CEMIP2: variants seen among roughly 807,000 people sequenced by gnomAD.
CEMIP2 encodes cell migration inducing hyaluronidase 2.
In CEMIP2, 79 loss-of-function variants were observed where a neutral mutation model predicts 146.9. That is an observed-to-expected ratio of 0.54 (90% CI 0.45 to 0.65). CEMIP2 has a LOEUF of 0.65. CEMIP2 is among the 30% of genes least tolerant of loss of function. The pLI is 0.00. For synonymous variants in CEMIP2, 601 were observed against 606.3 expected, an observed-to-expected ratio of 0.99 and a Z score of 0.13; for missense variants, 1,596 against 1,696.2, an observed-to-expected ratio of 0.94 and a Z score of 1.04.
At chr9:71,726,680 A>C (rs1056211506) in intron 10 of CEMIP2, among the ~76,000 whole-genome samples, 1 of 152,204 alleles carries the variant, frequency 6.6e-6, no homozygotes, top group Non-Finnish European at 1.5e-5. Flanking sequence ...TGGAAAACAT[A>C]TATTTATACC....
In CEMIP2 at chr9:71,730,070, G is replaced by A; in HGVS notation, c.1957C>T (p.Pro653Ser). 1 of 1,614,180 alleles carries A rather than the reference G, an allele frequency of 6.2e-7. No individual in the cohort carries two copies. The highest frequency in any genetic ancestry group is 8.5e-7 in the Non-Finnish European group (1 of 1,180,044). ...MRDKVFGNYI[P>S]VPATDCMAVS... ...CACATACAGTCAGTAGCAGGCACAG[G>A]AATGTAATTTCCAAACACTTTATCT... Residue 653 changes from proline (P) to serine (S), a missense_variant, in exon 9 of 24, where the codon CCT becomes TCT. Coordinates refer to ENST00000377044, the MANE Select transcript of CEMIP2 (RefSeq NM_013390.3).
Position 71,750,118 on chromosome 9 carries a change from A to C in CEMIP2, c.256T>G (p.Phe86Val). 6.2e-7 allele frequency: 1 copy of C among 1,613,918 alleles called. No individual in the cohort carries two copies. ...AAAAATGAGAAACTAGTAATAGCAA[A>C]ACAAATGAAAGTATTTTTGTGTCTC... ...QKRHKNTFICFAITSFSFFIA... is the reference protein window; with the variant it reads ...QKRHKNTFICVAITSFSFFIA... Residue 86 changes from phenylalanine (F) to valine (V), a missense_variant, in exon 2 of 24, where the codon TTT (phenylalanine) becomes GTT (valine). Transcript: ENST00000377044.
intron 1 of CEMIP2, among the ~76,000 whole-genome samples, chr9:71,754,918 T>C (rs761291370): frequency 2.0e-5 from 3 of 151,968 alleles, no homozygotes; most frequent in Non-Finnish European, 4.4e-5. Context: ...ATACAAATGC[T>C]GGAAAAACAT....
chr9:71,751,656 G>A (rs1470753402), intron 1 of CEMIP2, among the ~76,000 whole-genome samples: 2 of 152,030 alleles, frequency 1.3e-5, no homozygotes, highest in African/African-American at 4.8e-5. Flanking sequence ...ACAGGGCCCT[G>A]GATTTTACAT....
intron 1 of CEMIP2, among the ~76,000 whole-genome samples, chr9:71,753,633 A>T (rs1426309016): frequency 1.3e-5 from 2 of 152,214 alleles, no homozygotes; most frequent in African/African-American, 4.8e-5. Context: ...TGCACCATGT[A>T]TTAGAATAAA....
In CEMIP2 at chr9:71,756,502, T is replaced by TCA. The variant is rs1354053174; in HGVS notation, c.-12-6118_-12-6117insTG. ...CTCTCTCTCTCTCTCTCTCTCTCTC[T>TCA]CTCTCACACACACACACACACACAC... On this transcript the variant is annotated intron_variant, in intron 1 of 23. Coordinates refer to ENST00000377044, the MANE Select transcript of CEMIP2 (RefSeq NM_013390.3). Among the ~76,000 whole-genome samples, 615 of 104,778 alleles carry TCA rather than the reference T, an allele frequency of 5.9e-3. 4 individuals carry two copies. The highest frequency in any genetic ancestry group is 9.7e-3 in the Non-Finnish European group (459 of 47,204). The allele number at this position is 104,778 out of a possible 152,430, so 68.7% of individuals were successfully genotyped here. A position where few individuals can be genotyped will look rare whatever the true frequency, so the allele number is the denominator to read the frequency against.
At chr9:71,707,190 G>T (rs965102186) in intron 17 of CEMIP2, among the ~76,000 whole-genome samples, 1 of 152,162 alleles carries the variant, frequency 6.6e-6, no homozygotes, top group South Asian at 2.1e-4. Context: ...GGCATTGATG[G>T]GTAAACTTAA....
At chr9:71,727,303 T>C (rs929540820) in intron 10 of CEMIP2, among the ~76,000 whole-genome samples, 2 of 152,210 alleles carry the variant, frequency 1.3e-5, no homozygotes, top group African/African-American at 4.8e-5. Context: ...TAATGTTACA[T>C]AGATCAGAAG....
chr9:71,758,291 C>T (rs1824524996), intron 1 of CEMIP2, among the ~76,000 whole-genome samples: 1 of 152,130 alleles, frequency 6.6e-6, no homozygotes, highest in African/African-American at 2.4e-5. Flanking sequence ...GGCCAAGGAC[C>T]TTGGCCACCT....
At chr9:71,744,571 A>T (rs1315051897) in intron 4 of CEMIP2, among the ~76,000 whole-genome samples, 1 of 152,088 alleles carries the variant, frequency 6.6e-6, no homozygotes, top group Admixed American at 6.5e-5. Context: ...AAAAAGAAAA[A>T]CTGCATATTC....
intron 1 of CEMIP2, among the ~76,000 whole-genome samples, chr9:71,767,905 C>T (rs1824846964): frequency 6.6e-6 from 1 of 152,176 alleles, no homozygotes; most frequent in Non-Finnish European, 1.5e-5. Flanking sequence ...CACTGAAGCC[C>T]GGACTGCAAA....
In CEMIP2 at chr9:71,732,393, CTGAT is replaced by C. The variant is rs1554685737; in HGVS notation, c.1517_1520del (p.Asn506SerfsTer15). On this transcript the variant is annotated frameshift_variant, in exon 7 of 24. Coordinates refer to ENST00000377044, the MANE Select transcript of CEMIP2 (RefSeq NM_013390.3). LOFTEE classifies it high-confidence loss of function. ...AGGTATCATAATCAAAAAATTGGCACTGATTTTCTGCGTAGCATGAGTCCTCCAC... is the reference window on the plus strand; with the variant it reads ...AGGTATCATAATCAAAAAATTGGCACTTTCTGCGTAGCATGAGTCCTCCAC... The C allele has an allele frequency of 6.2e-7, 1 of 1,612,774 alleles. No homozygotes were observed. The highest frequency in any genetic ancestry group is 8.5e-7 in the Non-Finnish European group (1 of 1,179,770).
At chr9:71,752,235 G>A (rs930556824) in intron 1 of CEMIP2, among the ~76,000 whole-genome samples, 3 of 151,312 alleles carry the variant, frequency 2.0e-5, no homozygotes, top group Non-Finnish European at 2.9e-5. Flanking sequence ...CAATCGAGAG[G>A]CAAAGAATGA....
chr9:71,728,815 T>TGTGTG (rs1554684960), intron 10 of CEMIP2, among the ~76,000 whole-genome samples: 28 of 148,312 alleles, frequency 1.9e-4, no homozygotes, highest in East Asian at 1.2e-3. Context: ...TGTGGGGTTT[T>TGTGTG]TGTGTGTGTG....
At chr9:71,733,747 T>G (rs561087498) in intron 6 of CEMIP2, among the ~76,000 whole-genome samples, 1 of 152,350 alleles carries the variant, frequency 6.6e-6, no homozygotes, top group East Asian at 1.9e-4. Flanking sequence ...TGAAGCAATG[T>G]ACAAAGGGGC....
At chr9:71,752,489 A>AGGGGG (rs1824288360) in intron 1 of CEMIP2, among the ~76,000 whole-genome samples, 3 of 10,700 alleles carry the variant, frequency 2.8e-4, no homozygotes, top group Admixed American at 1.4e-3. Context: ...AGGGGGAGGG[A>AGGGGG]AGGAGGGAGG....
At chr9:71,746,756 T>C (rs960669913) in intron 2 of CEMIP2, among the ~76,000 whole-genome samples, 1 of 152,240 alleles carries the variant, frequency 6.6e-6, no homozygotes, top group South Asian at 2.1e-4. Context: ...AAATGAAAAT[T>C]GCTAAATAAT....
At chr9:71,740,856 T>G (rs905108807) in intron 4 of CEMIP2, among the ~76,000 whole-genome samples, 2 of 152,322 alleles carry the variant, frequency 1.3e-5, no homozygotes, top group South Asian at 4.2e-4. Context: ...GTTCTCAAAC[T>G]TCAGTACGCA....
At chr9:71,753,982 CAT>C (rs1239056342) in intron 1 of CEMIP2, among the ~76,000 whole-genome samples, 1 of 152,138 alleles carries the variant, frequency 6.6e-6, no homozygotes, top group Non-Finnish European at 1.5e-5. Flanking sequence ...GTTTTGACCA[CAT>C]GTTCTCACTC....
Sources: allele counts gnomAD v4.1 joint callset (sites outside exome capture counted in the v4.1 genomes callset), GRCh38; gene constraint gnomAD v4.1.1; transcripts MANE v1.5; gene names NCBI Gene and HGNC (gene_info 2026-07-23, HGNC 2026-07-21).